Variants in CTNND2 observed in about 807,000 individuals in gnomAD.
CTNND2 encodes the protein catenin delta-2.
A neutral mutation model predicts 144.4 loss-of-function variants in CTNND2; 22 were observed. The ratio of observed to expected loss-of-function variants is 0.15; its 90% CI spans 0.11 to 0.22. The LOEUF is 0.22. Ranked by LOEUF, CTNND2 falls within the 10% of genes least tolerant of loss-of-function variation. The pLI is 1.00. For missense variants in CTNND2, 1,353 were observed against 1,618.8 expected (o/e 0.84, Z 2.82); for synonymous variants, 751 against 695.6 (o/e 1.08, Z -1.25).
intron 3 of CTNND2, among the ~76,000 whole-genome samples, chr5:11,529,459 T>A (rs1281983648): frequency 6.6e-6 from 1 of 152,232 alleles, no homozygotes; most frequent in Non-Finnish European, 1.5e-5. Context: ...TGGTTCTACA[T>A]AATTTGAGCC....
At chr5:11,032,221 A>G (rs995140387) in intron 16 of CTNND2, among the ~76,000 whole-genome samples, 2 of 152,212 alleles carry the variant, frequency 1.3e-5, no homozygotes, top group Non-Finnish European at 2.9e-5. Flanking sequence ...TTGATGATAT[A>G]AAAGTGAGGA....
chr5:11,048,745 A>G (rs2149578476), intron 16 of CTNND2, among the ~76,000 whole-genome samples: 1 of 152,382 alleles, frequency 6.6e-6, no homozygotes. Context: ...ACATATGTGT[A>G]GACATAATCT....
chr5:11,630,458 T>C (rs902052787), intron 2 of CTNND2, among the ~76,000 whole-genome samples: 1 of 152,178 alleles, frequency 6.6e-6, no homozygotes, highest in Non-Finnish European at 1.5e-5. Context: ...GCACCTGGTA[T>C]CTTTCGACTT....
At chr5:11,876,693 A>G (rs13164815) in intron 1 of CTNND2, among the ~76,000 whole-genome samples, 32,383 of 152,190 alleles carry the variant, frequency 0.21, 3,984 homozygotes, top group Non-Finnish European at 0.28. Flanking sequence ...AGCATTTAAT[A>G]ATGATGTAGA....
In CTNND2 at chr5:11,641,444, GATAT is replaced by G. The variant is rs35126010; in HGVS notation, c.175-76392_175-76389del. 1.1e-4 allele frequency among the ~76,000 whole-genome samples: 15 copies of G among 134,428 alleles called. No individual in the cohort carries two copies. In the East Asian group the frequency reaches 1.7e-3, roughly 15 times the overall value. 88.2% of individuals were successfully genotyped at this position (134,428 alleles called of 152,430 possible). ...TTCCTTCTCAGAACAGGAGTAAAAG[GATAT>G]ATATATATATATATATCCTTTTATG... On this transcript the variant is annotated intron_variant, in intron 2 of 21. Coordinates refer to ENST00000304623, the MANE Select transcript of CTNND2 (RefSeq NM_001332.4).
chr5:11,683,836 G>A (rs1726238800), intron 2 of CTNND2, among the ~76,000 whole-genome samples: 1 of 152,126 alleles, frequency 6.6e-6, no homozygotes, highest in South Asian at 2.1e-4. Context: ...ATGATGACTG[G>A]CAGACTCTAG....
At chr5:11,219,617 A>G (rs1469959426) in intron 10 of CTNND2, among the ~76,000 whole-genome samples, 1 of 152,308 alleles carries the variant, frequency 6.6e-6, no homozygotes, top group East Asian at 1.9e-4. Context: ...GGATGGTCCC[A>G]GTGTCATCAC....
Position 11,111,010 on chromosome 5 carries a change from G to T in CTNND2, c.2311C>A (p.Leu771Ile). ...GTTTCTGCCGCCAGCCGGTACGAGA[G>T]GTTCCTTAAAATGCACACACAGTTT... is the stretch of plus-strand genomic sequence containing the variant. Reference protein sequence around the residue: ...VENCVCILRNLSYRLAAETSQ... With the variant: ...VENCVCILRNISYRLAAETSQ... Residue 771 changes from leucine (L) to isoleucine (I), a missense_variant, in exon 14 of 22, where the codon CTC (leucine) becomes ATC (isoleucine). By Grantham distance (5) the Leu-to-Ile change is conservative (BLOSUM62 2). Around this residue, in one of 4 missense-constraint regions of CTNND2, gnomAD observed 459 missense variants for 674.3 expected, o/e 0.68. Coordinates refer to ENST00000304623, the MANE Select transcript of CTNND2 (RefSeq NM_001332.4). The T allele has an allele frequency of 6.2e-7, 1 of 1,614,090 alleles. No homozygotes were observed. The highest frequency in any genetic ancestry group is 8.5e-7 in the Non-Finnish European group (1 of 1,179,992).
rs149427000 is a variant in CTNND2 at position 11,320,771 on chromosome 5, A to C, written c.1628+25601T>G. Among the ~76,000 whole-genome samples, 1,340 of 152,284 alleles carry C rather than the reference A, an allele frequency of 8.8e-3. 9 individuals are homozygous for C. Among genetic ancestry groups the C allele is most frequent in the Non-Finnish European group, 0.013 (880 of 68,024 alleles). The stretch of plus-strand genomic sequence containing the variant: ...TCATCTCCCACCGGATCCCTCCCAC[A>C]ACACGTGGGAGGTATGTGAGCTATA... On this transcript the variant is annotated intron_variant, in intron 9 of 21. Transcript: ENST00000304623.
chr5:11,891,931 A>T (rs1471407722), intron 1 of CTNND2, among the ~76,000 whole-genome samples: 1 of 152,198 alleles, frequency 6.6e-6, no homozygotes, highest in African/African-American at 2.4e-5. Context: ...TTATGCCCTT[A>T]GGAAATATTT....
chr5:11,399,369 A>G (rs1316899722), intron 5 of CTNND2, among the ~76,000 whole-genome samples: 3 of 151,552 alleles, frequency 2.0e-5, no homozygotes, highest in Non-Finnish European at 4.4e-5. Context: ...AATTTCATGG[A>G]AGAAGTTTAG....
intron 2 of CTNND2, among the ~76,000 whole-genome samples, chr5:11,669,602 G>A (rs943736049): frequency 2.0e-5 from 3 of 151,902 alleles, no homozygotes; most frequent in South Asian, 2.1e-4. Context: ...CTGTGGGATC[G>A]GTGCTGATAT....
intron 3 of CTNND2, among the ~76,000 whole-genome samples, chr5:11,552,012 C>T (rs1775807906): frequency 1.3e-5 from 2 of 152,108 alleles, no homozygotes; most frequent in South Asian, 4.1e-4. Context: ...TCAAGTGATC[C>T]CCTGCCCTTG....
intron 2 of CTNND2, among the ~76,000 whole-genome samples, chr5:11,653,343 C>T (rs938171471): frequency 6.6e-6 from 1 of 151,964 alleles, no homozygotes; most frequent in African/African-American, 2.4e-5. Context: ...ATGTCTCTAC[C>T]AATTTTCAGT....
At chr5:11,098,166 C>T (rs1751537919) in intron 15 of CTNND2, among the ~76,000 whole-genome samples, 1 of 151,966 alleles carries the variant, frequency 6.6e-6, no homozygotes, top group South Asian at 2.1e-4. Flanking sequence ...GGGGCTGGGA[C>T]CCGGTACATT....
chr5:11,446,595 A>AAGGTTGCAAAAGAT (rs1425707558), intron 3 of CTNND2, among the ~76,000 whole-genome samples: 15 of 152,134 alleles, frequency 9.9e-5, no homozygotes, highest in Admixed American at 6.5e-4. Flanking sequence ...GTAAAAACTA[A>AAGGTTGCAAAAGAT]AGGTTGCAAA....
chr5:11,362,972 C>T (rs139730892), intron 8 of CTNND2, among the ~76,000 whole-genome samples: 6 of 152,316 alleles, frequency 3.9e-5, no homozygotes, highest in African/African-American at 1.4e-4. Context: ...ATCTCAGTAA[C>T]GTTATTTATG....
chr5:11,492,503 ATATGTGTGTGTG>A (rs1380130885), intron 3 of CTNND2, among the ~76,000 whole-genome samples: 1 of 122,588 alleles, frequency 8.2e-6, no homozygotes, highest in Admixed American at 8.8e-5. Context: ...ATATATATAT[ATATGTGTGTGTG>A]TGTGTGTGTG....
chr5:11,092,942 T>C (rs1040908147), intron 15 of CTNND2, among the ~76,000 whole-genome samples: 5 of 152,228 alleles, frequency 3.3e-5, no homozygotes, highest in Non-Finnish European at 7.3e-5. Context: ...TCAAGGCTGT[T>C]ATCTCTCTCT....
Sources: gnomAD v4.1 joint callset for allele counts (sites outside exome capture counted in the v4.1 genomes callset) on GRCh38, gnomAD v4.1.1 for gene constraint, gnomAD v4.1.1 regional missense constraint, MANE v1.5 for transcripts, NCBI Gene and HGNC (gene_info 2026-07-23, HGNC 2026-07-21) for gene names.